ZUP1: variants seen among roughly 807,000 people sequenced by gnomAD.
ZUP1 encodes the protein zinc finger containing ubiquitin peptidase 1.
A neutral mutation model predicts 68.1 loss-of-function variants in ZUP1; 55 were observed. That is an observed-to-expected ratio of 0.81 (90% CI 0.65 to 1.01). The LOEUF is 1.01. Ranked by LOEUF, ZUP1 falls within the 50% of genes least tolerant of loss-of-function variation. ZUP1 has a pLI of 0.00. For missense variants in ZUP1, 684 were observed against 674.9 expected (o/e 1.01, Z -0.15); for synonymous variants, 223 against 221.5 (o/e 1.01, Z -0.06).
intron 9 of ZUP1, among the ~76,000 whole-genome samples, chr6:116,645,406 C>T (rs943722323): frequency 6.6e-6 from 1 of 151,570 alleles, no homozygotes; most frequent in Non-Finnish European, 1.5e-5. Flanking sequence ...CATGGTGAAA[C>T]CCCGTCTCTA....
intron 2 of ZUP1, among the ~76,000 whole-genome samples, chr6:116,662,871 A>G (rs1776886822): frequency 6.6e-6 from 1 of 152,200 alleles, no homozygotes; most frequent in Non-Finnish European, 1.5e-5. Flanking sequence ...ATATGGCATC[A>G]TCTACCTTTC....
intron 9 of ZUP1, among the ~76,000 whole-genome samples, chr6:116,643,887 C>G (rs551045678): frequency 6.6e-6 from 1 of 152,164 alleles, no homozygotes; most frequent in African/African-American, 2.4e-5. Flanking sequence ...AAACTACCAT[C>G]AGAGTGAACA....
chr6:116,645,966 C>A, intron 8 of ZUP1, 32 bp from the exon 9 acceptor site: 1 of 1,467,162 alleles, frequency 6.8e-7, no homozygotes, highest in Non-Finnish European at 9.5e-7. Flanking sequence ...ATACATACGT[C>A]ACATCTATTT....
chr6:116,644,773 GGCACATGTATACATATGTAACTAACCT>G (rs969005385), intron 9 of ZUP1, among the ~76,000 whole-genome samples: 3 of 151,672 alleles, frequency 2.0e-5, no homozygotes, highest in African/African-American at 7.3e-5. Context: ...ACACCATCAT[GGCACATGTATACATATGTAACTAACCT>G]GCACATTGTG....
intron 9 of ZUP1, among the ~76,000 whole-genome samples, chr6:116,637,286 A>G (rs188329739): frequency 2.0e-4 from 30 of 152,302 alleles, no homozygotes; most frequent in African/African-American, 6.7e-4. Context: ...TATAAAATGG[A>G]GATTAATAAT....
chr6:116,645,738 A>C lies in ZUP1; in HGVS notation c.1665T>G (p.Gly555=), dbSNP rs374689423. 4.8e-5 allele frequency: 77 copies of C among 1,612,612 alleles called. No homozygotes were observed. Among genetic ancestry groups the C allele is most frequent in the East Asian group, 4.2e-4 (19 of 44,798 alleles). Reference sequence around the variant, plus strand: ...CAAGTTTCTCCTCTAGAGAAAGAGCACCCTCTACTGCCAATATCTGGTATT... The same window carrying C: ...CAAGTTTCTCCTCTAGAGAAAGAGCCCCCTCTACTGCCAATATCTGGTATT... ...HKQYQILAVE[G]ALSLEEKLAR... is the part of the protein sequence containing the mutation. The change falls in exon 9 of 10, where the codon GGT becomes GGG. Residue 555 remains glycine, a synonymous_variant. Coordinates refer to ENST00000368576, the MANE Select transcript of ZUP1 (RefSeq NM_145062.3).
Position 116,636,764 on chromosome 6 carries a change from A to G in ZUP1, c.1690-885T>C, listed in dbSNP as rs73765824. On this transcript the variant is annotated intron_variant, in intron 9 of 9. Transcript: ENST00000368576. Reference sequence around the variant, plus strand: ...ACATAAAATGCAGTTATAAATATGTATATTTTGGGATACCATAAACTATCA... The same window carrying G: ...ACATAAAATGCAGTTATAAATATGTGTATTTTGGGATACCATAAACTATCA... Among the ~76,000 whole-genome samples the G allele has an allele frequency of 6.3e-3, 956 of 152,312 alleles. 11 individuals carry two copies. The highest frequency in any genetic ancestry group is 0.022 in the African/African-American group (933 of 41,582).
At chr6:116,663,037 A>G (rs916649475) in intron 2 of ZUP1, among the ~76,000 whole-genome samples, 3 of 152,082 alleles carry the variant, frequency 2.0e-5, no homozygotes, top group Non-Finnish European at 2.9e-5. Flanking sequence ...CATTTCCAAC[A>G]ATCTTTTCCT....
chr6:116,656,624 A>G, intron 5 of ZUP1, 60 bp downstream of exon 5: 2 of 1,326,128 alleles, frequency 1.5e-6, no homozygotes, highest in Non-Finnish European at 2.1e-6. Context: ...AATGATTCTG[A>G]TTATTACTTC....
rs375083393 is a variant in ZUP1 at position 116,643,169 on chromosome 6, C to T, written c.1689+2545G>A. ...CTCTTCAAGGAGAACTACAAACCAC[C>T]GCTCAATGAAATAAAAGAGGATACA... On this transcript the variant is annotated intron_variant, in intron 9 of 9. Transcript: ENST00000368576. 7.1e-3 allele frequency among the ~76,000 whole-genome samples: 1,085 copies of T among 152,024 alleles called. 24 individuals carry two copies. Among genetic ancestry groups the T allele is most frequent in the East Asian group, 0.045 (231 of 5,172 alleles).
chr6:116,649,947 A>C (rs960523481), intron 7 of ZUP1, among the ~76,000 whole-genome samples: 1 of 152,244 alleles, frequency 6.6e-6, no homozygotes, highest in East Asian at 1.9e-4. Context: ...AAATGCAGGC[A>C]ATAGAAAGAA....
At chr6:116,644,053 G>A (rs994764356) in intron 9 of ZUP1, among the ~76,000 whole-genome samples, 5 of 152,164 alleles carry the variant, frequency 3.3e-5, no homozygotes, top group African/African-American at 1.2e-4. Context: ...CTTCTCAAAA[G>A]AAGACATTTA....
chr6:116,647,989 C>G (rs1481984473), intron 7 of ZUP1, among the ~76,000 whole-genome samples: 1 of 152,146 alleles, frequency 6.6e-6, no homozygotes, highest in Non-Finnish European at 1.5e-5. Context: ...TTTTTCACAG[C>G]TTTTATTCTA....
chr6:116,640,351 C>T (rs1186998142), intron 9 of ZUP1, among the ~76,000 whole-genome samples: 1 of 152,130 alleles, frequency 6.6e-6, no homozygotes, highest in Non-Finnish European at 1.5e-5. Flanking sequence ...CACAAAGATA[C>T]TCCTCGAGAA....
chr6:116,655,816 T>G (rs187472415), intron 5 of ZUP1, among the ~76,000 whole-genome samples: 32 of 152,242 alleles, frequency 2.1e-4, no homozygotes, highest in African/African-American at 7.7e-4. Flanking sequence ...ACAATGTATA[T>G]AGAGTTGTTA....
intron 4 of ZUP1, 101 bp from the exon 5 acceptor site, chr6:116,656,953 T>C: frequency 2.5e-6 from 2 of 789,562 alleles, no homozygotes; most frequent in Non-Finnish European, 3.8e-6. Flanking sequence ...TGAAACATTC[T>C]GGTTTATAGA....
At chr6:116,648,146 T>G (rs554951679) in intron 7 of ZUP1, among the ~76,000 whole-genome samples, 1 of 152,200 alleles carries the variant, frequency 6.6e-6, no homozygotes, top group Non-Finnish European at 1.5e-5. Flanking sequence ...GAAAAATGTG[T>G]GTGTACTCAA....
At chr6:116,648,974 CAAA>C (rs776241266) in intron 7 of ZUP1, among the ~76,000 whole-genome samples, 1 of 77,358 alleles carries the variant, frequency 1.3e-5, no homozygotes, top group African/African-American at 5.0e-5. Context: ...GACTCTGTCT[CAAA>C]AAAAAAAAAA....
chr6:116,656,901 T>C, intron 4 of ZUP1, 49 bp from the exon 5 acceptor site: 1 of 1,265,260 alleles, frequency 7.9e-7, no homozygotes, highest in Non-Finnish European at 1.1e-6. Context: ...CCTGTAACTC[T>C]ATGAGGATGG....
Sources: allele counts gnomAD v4.1 joint callset (sites outside exome capture counted in the v4.1 genomes callset), GRCh38; gene constraint gnomAD v4.1.1; transcripts MANE v1.5; gene names NCBI Gene and HGNC (gene_info 2026-07-23, HGNC 2026-07-21).